CERKL: variants seen among roughly 807,000 people sequenced by gnomAD.
The protein encoded by CERKL is CERK like autophagy regulator.
In CERKL, 61 loss-of-function variants were observed where a neutral mutation model predicts 63.4. That is an observed-to-expected ratio of 0.96 (90% CI 0.78 to 1.19). The LOEUF (loss-of-function observed/expected upper bound fraction) is 1.19, where lower values mean the gene tolerates loss of function less well. CERKL is among the 50% of genes most tolerant of loss of function. The pLI, the probability that CERKL is intolerant of heterozygous loss-of-function variation, is 0.00. For synonymous variants in CERKL, 250 were observed against 230.5 expected, an observed-to-expected ratio of 1.08 and a Z score of -0.77; for missense variants, 675 against 655.5, an observed-to-expected ratio of 1.03 and a Z score of -0.33.
At chr2:181,639,792 G>A (rs1022222131) in intron 1 of CERKL, among the ~76,000 whole-genome samples, 2 of 152,022 alleles carry the variant, frequency 1.3e-5, no homozygotes, top group Non-Finnish European at 2.9e-5. Flanking sequence ...TGGGCCCTAG[G>A]GATAAAAATT....
intron 2 of CERKL, among the ~76,000 whole-genome samples, chr2:181,574,395 G>A (rs1689035977): frequency 6.6e-6 from 1 of 152,208 alleles, no homozygotes; most frequent in Non-Finnish European, 1.5e-5. Context: ...GTCAGTGTCA[G>A]TACCAAGTGC....
At chr2:181,572,347 A>G (rs1398088062) in intron 3 of CERKL, among the ~76,000 whole-genome samples, 1 of 152,216 alleles carries the variant, frequency 6.6e-6, no homozygotes, top group East Asian at 1.9e-4. Flanking sequence ...ATGATAGCTT[A>G]TTCATCTCGC....
intron 1 of CERKL, among the ~76,000 whole-genome samples, chr2:181,646,872 G>A (rs911660622): frequency 2.0e-4 from 31 of 152,220 alleles, no homozygotes; most frequent in African/African-American, 7.0e-4. Flanking sequence ...GAATAATTAA[G>A]AGGTGAACTA....
At chr2:181,606,949 C>T (rs567890624) in intron 1 of CERKL, among the ~76,000 whole-genome samples, 1 of 152,278 alleles carries the variant, frequency 6.6e-6, no homozygotes, top group African/African-American at 2.4e-5. Context: ...TTCTCTAGAA[C>T]ATCAATTCCC....
At chr2:181,582,971 T>C (rs1465833602) in intron 2 of CERKL, among the ~76,000 whole-genome samples, 1 of 152,146 alleles carries the variant, frequency 6.6e-6, no homozygotes, top group Non-Finnish European at 1.5e-5. Context: ...CACTTTATCT[T>C]TCCACTTTAT....
intron 2 of CERKL, among the ~76,000 whole-genome samples, chr2:181,597,408 C>T (rs1376850910): frequency 6.6e-6 from 1 of 152,132 alleles, no homozygotes; most frequent in Admixed American, 6.6e-5. Context: ...ACCTTGGATG[C>T]CAGCTCTTCT....
rs202082843 is a variant in CERKL, at chr2:181,656,633, C to G, written c.238+136G>C. On this transcript the variant is annotated intron_variant, in intron 1 of 12. Transcript: ENST00000410087. ...CGACTTGGGGACTCGGTAACCTGTC[C>G]GGGCAGTGAGGCGAGCACGGGGAGG... is the stretch of plus-strand genomic sequence containing the variant. 100 of 751,494 alleles carry G rather than the reference C, an allele frequency of 1.3e-4. 1 individual carries two copies. The East Asian group carries it at 2.9e-3, about 22-fold the overall frequency. 46.6% of individuals were successfully genotyped at this position (751,494 alleles called of 1,614,324 possible). A position where few individuals can be genotyped will look rare whatever the true frequency, so the allele number is the denominator to read the frequency against.
intron 1 of CERKL, among the ~76,000 whole-genome samples, chr2:181,627,771 A>G (rs1686777167): frequency 6.6e-6 from 1 of 152,200 alleles, no homozygotes; most frequent in Admixed American, 6.5e-5. Context: ...GCTGTAAGGA[A>G]CACTGCATAC....
intron 2 of CERKL, among the ~76,000 whole-genome samples, chr2:181,588,428 T>C (rs1251406338): frequency 2.0e-5 from 3 of 152,208 alleles, no homozygotes; most frequent in Admixed American, 6.5e-5. Flanking sequence ...ATGACAGGAT[T>C]TCCTTCTCTT....
chr2:181,609,259 C>G (rs1370977138), intron 1 of CERKL, among the ~76,000 whole-genome samples: 1 of 116,232 alleles, frequency 8.6e-6, no homozygotes, highest in East Asian at 3.2e-4. Context: ...CTCCCCCCTC[C>G]CCCCACCCCA....
chr2:181,651,006 C>A (rs1687912271), intron 1 of CERKL, among the ~76,000 whole-genome samples: 1 of 152,108 alleles, frequency 6.6e-6, no homozygotes, highest in Non-Finnish European at 1.5e-5. Flanking sequence ...TCTGACCAGA[C>A]CAATAATAAG....
At chr2:181,655,367 G>A (rs1688112400) in intron 1 of CERKL, among the ~76,000 whole-genome samples, 1 of 152,154 alleles carries the variant, frequency 6.6e-6, no homozygotes, top group South Asian at 2.1e-4. Context: ...CATTTCAGCT[G>A]CACTGTAGGT....
At chr2:181,622,541 C>A (rs560676595) in intron 1 of CERKL, among the ~76,000 whole-genome samples, 1 of 152,114 alleles carries the variant, frequency 6.6e-6, no homozygotes, top group Non-Finnish European at 1.5e-5. Context: ...TAAATGAAGT[C>A]TTTTTCATAA....
intron 11 of CERKL, among the ~76,000 whole-genome samples, chr2:181,542,797 G>C (rs1189443381): frequency 6.6e-6 from 1 of 152,138 alleles, no homozygotes; most frequent in Non-Finnish European, 1.5e-5. Context: ...TTATCTCTTA[G>C]AAAACGTCTT....
chr2:181,622,209 C>T (rs192705802), intron 1 of CERKL, among the ~76,000 whole-genome samples: 1 of 152,146 alleles, frequency 6.6e-6, no homozygotes, highest in Middle Eastern at 3.2e-3. Context: ...CACAGAAAAA[C>T]ACAAATCTAC....
At chr2:181,591,068 T>TA (rs1470035214) in intron 2 of CERKL, among the ~76,000 whole-genome samples, 2 of 152,144 alleles carry the variant, frequency 1.3e-5, no homozygotes, top group African/African-American at 2.4e-5. Flanking sequence ...ATACAGCTAT[T>TA]AAAAAATATA....
chr2:181,651,501 G>A (rs957744428), intron 1 of CERKL, among the ~76,000 whole-genome samples: 1 of 152,116 alleles, frequency 6.6e-6, no homozygotes, highest in Non-Finnish European at 1.5e-5. Context: ...AACAAATTAG[G>A]TATGGAAAGT....
Position 181,558,629 on chromosome 2 carries a change from T to A in CERKL, c.757A>T (p.Met253Leu). 1 of 1,613,692 alleles carries A rather than the reference T, an allele frequency of 6.2e-7. No homozygotes were observed. Among genetic ancestry groups the A allele is most frequent in the Non-Finnish European group, 8.5e-7 (1 of 1,179,806 alleles). Reference protein sequence around the residue: ...LLLRAQKNAGMETDRILTPVR... With the variant: ...LLLRAQKNAGLETDRILTPVR... The stretch of plus-strand genomic sequence containing the variant: ...GGAGTCAGGATTCGGTCTGTTTCCA[T>A]CCCAGCATTCTTCTGAGCTCTCAGA... Residue 253 changes from methionine to leucine, a missense_variant, in exon 5 of 13, where the codon ATG becomes TTG. Met to Leu is a conservative substitution (Grantham distance 15). Transcript: ENST00000410087. The surrounding 1 kb of genome is among the most constrained non-coding windows in gnomAD (Gnocchi z 4.2).
Position 181,563,992 on chromosome 2 carries a change from G to A in CERKL, c.677+2066C>T, listed in dbSNP as rs183565936. 3.4e-3 allele frequency among the ~76,000 whole-genome samples: 522 copies of A among 152,188 alleles called. 1 individual carries two copies. Among genetic ancestry groups the A allele is most frequent in the Admixed American group, 8.4e-3 (129 of 15,278 alleles). On this transcript the variant is annotated intron_variant, in intron 4 of 12. Transcript: ENST00000410087. ...TTCCATGGACTGCAGGGTGGGGTGG[G>A]AGACGGATGGTTTCAGGATGAAACT...
Sources: allele counts gnomAD v4.1 joint callset (sites outside exome capture counted in the v4.1 genomes callset), GRCh38; gene constraint gnomAD v4.1.1; non-coding constraint Gnocchi (gnomAD v3.1); transcripts MANE v1.5; gene names NCBI Gene and HGNC (gene_info 2026-07-23, HGNC 2026-07-21).